PELI2: variants seen among roughly 807,000 people sequenced by gnomAD.
PELI2 encodes pellino E3 ubiquitin protein ligase family member 2, also known as E3 ubiquitin-protein ligase pellino homolog 2.
Under a neutral mutation model 42.3 loss-of-function variants are expected in PELI2, and 23 were observed. The observed-to-expected ratio is 0.54, with a 90% CI of 0.39 to 0.77. PELI2 has a LOEUF of 0.77. PELI2 is among the 30% of genes least tolerant of loss of function. PELI2 has a pLI of 0.00. For missense variants in PELI2, 463 were observed against 553.2 expected (o/e 0.84, Z 1.64); for synonymous variants, 245 against 212.2 (o/e 1.15, Z -1.34).
At chr14:56,228,316 C>A (rs1042233246) in intron 2 of PELI2, among the ~76,000 whole-genome samples, 1 of 152,174 alleles carries the variant, frequency 6.6e-6, no homozygotes, top group Non-Finnish European at 1.5e-5. Flanking sequence ...ATCAGTGCCA[C>A]TCTGGGAACC....
intron 2 of PELI2, among the ~76,000 whole-genome samples, chr14:56,264,700 GATT>G (rs557969575): frequency 2.6e-5 from 4 of 152,154 alleles, no homozygotes; most frequent in Admixed American, 6.6e-5. Context: ...TCGTTATAAA[GATT>G]ATTATGTGAT....
Position 56,168,666 on chromosome 14 carries a change from C to G in PELI2, c.78-9669C>G, listed in dbSNP as rs542489331. Among the ~76,000 whole-genome samples, 43 of 152,104 alleles carry G rather than the reference C, an allele frequency of 2.8e-4. 1 individual carries two copies. The highest frequency in any genetic ancestry group is 8.2e-4 in the African/African-American group (34 of 41,480). On this transcript the variant is annotated intron_variant, in intron 1 of 5. Transcript: ENST00000267460. Reference sequence around the variant, plus strand: ...AAGATTCTGCTTGGTGCTCTACCCCCCTGTGGCCGTGCTGGTACGTAAGGT... The same window carrying G: ...AAGATTCTGCTTGGTGCTCTACCCCGCTGTGGCCGTGCTGGTACGTAAGGT...
Position 56,296,699 on chromosome 14 carries a change from A to T in PELI2, c.796A>T (p.Thr266Ser), listed in dbSNP as rs754843985. The T allele has an allele frequency of 1.1e-5, 17 of 1,613,952 alleles. No individual in the cohort carries two copies. Among genetic ancestry groups the T allele is most frequent in the Non-Finnish European group, 1.4e-5 (17 of 1,179,996 alleles). ...AGCAGATGGGCTTTTTCATACTCCA[A>T]CTCAGAAGCACATAGAAGCCCTCCG... ...RTADGLFHTP[T>S]QKHIEALRQE... Residue 266 changes from threonine (T) to serine (S), a missense_variant, in exon 6 of 6, where the codon ACT becomes TCT. By Grantham distance (58) the Thr-to-Ser change is moderately conservative (BLOSUM62 1). Around this residue, in one of 3 missense-constraint regions of PELI2, gnomAD observed 343 missense variants for 378.4 expected, o/e 0.91. Transcript: ENST00000267460.
intron 2 of PELI2, among the ~76,000 whole-genome samples, chr14:56,262,092 A>G (rs1039371174): frequency 7.2e-5 from 11 of 152,234 alleles, no homozygotes; most frequent in Non-Finnish European, 7.3e-5. Context: ...TTTACATTCT[A>G]TCTCTTTCCA....
intron 1 of PELI2, among the ~76,000 whole-genome samples, chr14:56,157,452 A>AAT (rs1335847722): frequency 6.6e-6 from 1 of 152,234 alleles, no homozygotes; most frequent in Non-Finnish European, 1.5e-5. Flanking sequence ...ATGTAGCATC[A>AAT]ATATACACAA....
intron 2 of PELI2, among the ~76,000 whole-genome samples, chr14:56,188,988 C>T (rs568969993): frequency 6.2e-4 from 94 of 152,122 alleles, no homozygotes; most frequent in African/African-American, 2.1e-3. Flanking sequence ...GGTGAAACCC[C>T]GTCTCTACTA....
At chr14:56,234,575 G>A (rs1029416809) in intron 2 of PELI2, among the ~76,000 whole-genome samples, 20 of 152,106 alleles carry the variant, frequency 1.3e-4, no homozygotes, top group African/African-American at 4.8e-4. Flanking sequence ...CACAGGGTGG[G>A]GAACATCGCA....
chr14:56,249,813 A>G (rs1566664190), intron 2 of PELI2, among the ~76,000 whole-genome samples: 1 of 152,120 alleles, frequency 6.6e-6, no homozygotes, highest in Non-Finnish European at 1.5e-5. Context: ...CTGTCCCATC[A>G]ATGTGTGCCC....
chr14:56,242,902 A>G (rs749483728), intron 2 of PELI2, among the ~76,000 whole-genome samples: 3 of 152,192 alleles, frequency 2.0e-5, no homozygotes, highest in Non-Finnish European at 4.4e-5. Context: ...TGGGTACAGT[A>G]TACACTGCCC....
intron 2 of PELI2, among the ~76,000 whole-genome samples, chr14:56,253,511 A>G (rs1173547619): frequency 6.6e-6 from 1 of 152,254 alleles, no homozygotes; most frequent in Non-Finnish European, 1.5e-5. Flanking sequence ...GTCTTAGGAT[A>G]CAAAATCAAT....
intron 2 of PELI2, among the ~76,000 whole-genome samples, chr14:56,242,272 T>C (rs184002122): frequency 6.6e-6 from 1 of 152,310 alleles, no homozygotes; most frequent in East Asian, 1.9e-4. Flanking sequence ...GGAAATACAC[T>C]CATAGTGCAC....
At chr14:56,137,273 G>A (rs920264943) in intron 1 of PELI2, among the ~76,000 whole-genome samples, 1 of 152,026 alleles carries the variant, frequency 6.6e-6, no homozygotes, top group African/African-American at 2.4e-5. Context: ...TGAAATTTGA[G>A]AAGTGTCTTT....
At chr14:56,210,653 A>G (rs1272273774) in intron 2 of PELI2, among the ~76,000 whole-genome samples, 2 of 152,264 alleles carry the variant, frequency 1.3e-5, no homozygotes, top group East Asian at 3.9e-4. Context: ...AGGTGAATAG[A>G]TTGAAAGTCT....
At chr14:56,233,879 A>T (rs974871018) in intron 2 of PELI2, among the ~76,000 whole-genome samples, 2 of 152,206 alleles carry the variant, frequency 1.3e-5, no homozygotes, top group African/African-American at 4.8e-5. Flanking sequence ...TAATATCCAG[A>T]ATCTACAAAG....
At position 56,118,480 on chromosome 14, in the gene PELI2, C is replaced by T; in HGVS notation, c.-181C>T. On this transcript the variant is annotated 5_prime_UTR_variant, in exon 1 of 6. Coordinates refer to ENST00000267460, the MANE Select transcript of PELI2 (RefSeq NM_021255.3). Reference sequence around the variant, plus strand: ...AGCTCCGGGGAGTCAGGCGGAGCAGCCGCGCAGCCACGACGGAGCAGCAGC... The same window carrying T: ...AGCTCCGGGGAGTCAGGCGGAGCAGTCGCGCAGCCACGACGGAGCAGCAGC... 2.9e-6 allele frequency: 1 copy of T among 348,494 alleles called. No homozygotes were observed. The highest frequency in any genetic ancestry group is 5.1e-6 in the Non-Finnish European group (1 of 197,912). The allele number at this position is 348,494 out of a possible 1,614,324, so 21.6% of individuals were successfully genotyped here.
intron 2 of PELI2, among the ~76,000 whole-genome samples, chr14:56,267,068 T>TAGTGA (rs1463938658): frequency 6.6e-6 from 1 of 152,086 alleles, no homozygotes; most frequent in Non-Finnish European, 1.5e-5. Context: ...GTGGCTTTCT[T>TAGTGA]AGTGATAGAA....
intron 2 of PELI2, among the ~76,000 whole-genome samples, chr14:56,266,999 T>C (rs1888930298): frequency 6.6e-6 from 1 of 152,068 alleles, no homozygotes; most frequent in Non-Finnish European, 1.5e-5. Context: ...CTGATGTGTA[T>C]ACTGTGCTGG....
At chr14:56,234,078 G>C (rs369280362) in intron 2 of PELI2, among the ~76,000 whole-genome samples, 2 of 152,104 alleles carry the variant, frequency 1.3e-5, no homozygotes, top group South Asian at 2.1e-4. Flanking sequence ...TTAGAATGGC[G>C]ATCATTAAAA....
chr14:56,183,856 A>T (rs1460600933), intron 2 of PELI2, among the ~76,000 whole-genome samples: 2 of 152,160 alleles, frequency 1.3e-5, no homozygotes, highest in African/African-American at 4.8e-5. Flanking sequence ...AACCTTGTGA[A>T]TGTTTCACAG....
Sources: allele counts gnomAD v4.1 joint callset (sites outside exome capture counted in the v4.1 genomes callset), GRCh38; gene constraint gnomAD v4.1.1; regional missense constraint gnomAD v4.1.1; transcripts MANE v1.5; gene names NCBI Gene and HGNC (gene_info 2026-07-23, HGNC 2026-07-21).